The following TMCO4 variants were observed in gnomAD, a reference collection of about 807,000 sequenced individuals.
The protein encoded by TMCO4 is transmembrane and coiled-coil domains 4, also known as transmembrane and coiled-coil domain-containing protein 4.
In TMCO4, 58 loss-of-function variants were observed where a neutral mutation model predicts 64.7. The ratio of observed to expected loss-of-function variants is 0.90; its 90% confidence interval spans 0.73 to 1.12. The LOEUF is 1.12. Among genes scored for constraint, TMCO4 ranks in the 50% most tolerant of loss-of-function variants. The pLI, the probability that TMCO4 is intolerant of heterozygous loss-of-function variation, is 0.00. For synonymous variants in TMCO4, 325 were observed against 346.1 expected (o/e 0.94, Z 0.68); for missense variants, 780 against 825.9 (o/e 0.94, Z 0.68).
At chr1:19,700,451 C>T (rs1326313055) in intron 14 of TMCO4, among the ~76,000 whole-genome samples, 1 of 152,190 alleles carries the variant, frequency 6.6e-6, no homozygotes, top group Non-Finnish European at 1.5e-5. Context: ...CTGTGTTCCA[C>T]TCGCCCATGT....
intron 6 of TMCO4, among the ~76,000 whole-genome samples, chr1:19,763,901 C>A (rs905138524): frequency 6.6e-6 from 1 of 152,204 alleles, no homozygotes; most frequent in Non-Finnish European, 1.5e-5. Flanking sequence ...GCTGCAGAGC[C>A]CTCACAGGGC....
intron 4 of TMCO4, among the ~76,000 whole-genome samples, chr1:19,778,890 T>C (rs56371938): frequency 0.11 from 17,189 of 151,976 alleles, 1,433 homozygotes; most frequent in African/African-American, 0.24. Context: ...ACTGGAGGGG[T>C]AGCAGGTATG....
In TMCO4 at chr1:19,694,560, G is replaced by C; in HGVS notation, c.1383-9C>G. 6.2e-7 allele frequency: 1 copy of C among 1,612,894 alleles called. No homozygotes were observed. The stretch of plus-strand genomic sequence containing the variant: ...TCAGCAGCCAGTCTCCCCTGTGGGA[G>C]GGTAGAGAAGCATGTGAACATTAGC... On this transcript the variant is annotated splice_polypyrimidine_tract_variant and intron_variant, in intron 14 of 15. Transcript: ENST00000294543.
intron 6 of TMCO4, among the ~76,000 whole-genome samples, chr1:19,766,261 G>C (rs1369744914): frequency 6.6e-6 from 1 of 152,188 alleles, no homozygotes; most frequent in Non-Finnish European, 1.5e-5. Context: ...CAAGGGCACT[G>C]CCCTCATGGA....
rs193188122 is a variant in TMCO4, at chr1:19,791,797, G to C, written c.-100-4680C>G. On this transcript the variant is annotated intron_variant, in intron 2 of 15. Transcript: ENST00000294543. ...ACGGAAGGAGGAGCTCCCAGCTCCC[G>C]GTAGCCTCCTGAGGTTCTTGTCCCG... Among the ~76,000 whole-genome samples, 4 of 152,294 alleles carry C rather than the reference G, an allele frequency of 2.6e-5. No homozygotes were observed. The South Asian group carries it at 6.2e-4, about 24-fold the overall frequency.
chr1:19,739,351 T>C (rs1304233550), intron 12 of TMCO4, among the ~76,000 whole-genome samples: 1 of 152,240 alleles, frequency 6.6e-6, no homozygotes, highest in Non-Finnish European at 1.5e-5. Context: ...AGTAGCTTTA[T>C]ACTTCTGGGA....
rs907358821 is a variant in TMCO4 at position 19,788,596 on chromosome 1, G to T, written c.-100-1479C>A. 4.6e-5 allele frequency among the ~76,000 whole-genome samples: 7 copies of T among 152,302 alleles called. 1 individual carries two copies. The South Asian group carries it at 1.0e-3, about 23-fold the overall frequency. ...TAAAATTACAACATGCTGCACTGGT[G>T]ACAATCCGTTTTGTGCTTCTCCTTC... On this transcript the variant is annotated intron_variant, in intron 2 of 15. Coordinates refer to ENST00000294543, the MANE Select transcript of TMCO4 (RefSeq NM_181719.7).
rs6675529 is a variant in TMCO4 at position 19,746,513 on chromosome 1, C to T, written c.700G>A (p.Ala234Thr). 1.9e-6 allele frequency: 3 copies of T among 1,612,376 alleles called. No homozygotes were observed. In the South Asian group the frequency reaches 3.3e-5, roughly 18 times the overall value. The part of the protein sequence containing the change: ...GSAGAAALGS[A>T]AGIAIMTSLF... ...GAGGTCATGATGGCTATGCCGGCTG[C>T]TGAGCCCAGAGCCGCTGCCCCGGCG... is the stretch of plus-strand genomic sequence containing the variant. The change falls in exon 9 of 16, where the codon GCA becomes ACA. Residue 234 changes from alanine (A) to threonine (T), a missense_variant. Physicochemically the swap from Ala to Thr is moderately conservative, Grantham distance 58. Coordinates refer to ENST00000294543, the MANE Select transcript of TMCO4 (RefSeq NM_181719.7).
At chr1:19,782,767 C>T (rs1337144573) in intron 3 of TMCO4, among the ~76,000 whole-genome samples, 3 of 152,148 alleles carry the variant, frequency 2.0e-5, no homozygotes, top group African/African-American at 7.2e-5. Flanking sequence ...GGGAAGGGTG[C>T]CAGCCTCTAC....
At chr1:19,791,823 G>A (rs2044054684) in intron 2 of TMCO4, among the ~76,000 whole-genome samples, 1 of 152,116 alleles carries the variant, frequency 6.6e-6, no homozygotes, top group African/African-American at 2.4e-5. Flanking sequence ...TCTTGTCCCG[G>A]GTACTGTGAA....
At position 19,732,821 on chromosome 1, in the gene TMCO4, C is replaced by T. The variant is rs760227073; in HGVS notation, c.1264+4551G>A. 3.9e-5 allele frequency among the ~76,000 whole-genome samples: 6 copies of T among 152,142 alleles called. No homozygotes were observed. The highest frequency in any genetic ancestry group is 9.7e-5 in the African/African-American group (4 of 41,440). The stretch of plus-strand genomic sequence containing the variant: ...AAATGCCAGCTGCACTTTTGTCCAC[C>T]GGGTTCATCTTGGAGTCAGATTCCT... On this transcript the variant is annotated intron_variant, in intron 13 of 15. Transcript: ENST00000294543. The surrounding 1 kb of genome is among the most constrained non-coding windows in gnomAD (Gnocchi z 4.8).
chr1:19,780,499 G>C (rs760815874), intron 4 of TMCO4, 81 bp downstream of exon 4: 11 of 1,486,674 alleles, frequency 7.4e-6, no homozygotes, highest in Non-Finnish European at 9.0e-6. Flanking sequence ...TTGCCTCATC[G>C]TGCCTGGCAG....
intron 4 of TMCO4, among the ~76,000 whole-genome samples, chr1:19,776,152 C>T (rs1000075237): frequency 6.6e-6 from 1 of 152,222 alleles, no homozygotes; most frequent in South Asian, 2.1e-4. Flanking sequence ...AAGTGATCTG[C>T]CCGCCTCAGC....
intron 13 of TMCO4, among the ~76,000 whole-genome samples, chr1:19,707,498 C>T (rs1034684555): frequency 1.3e-5 from 2 of 152,234 alleles, no homozygotes; most frequent in Non-Finnish European, 2.9e-5. Context: ...TGGCACATGC[C>T]TGTAATCCCA....
chr1:19,711,072 A>C (rs1339067431), intron 13 of TMCO4, among the ~76,000 whole-genome samples: 1 of 152,234 alleles, frequency 6.6e-6, no homozygotes, highest in Non-Finnish European at 1.5e-5. Context: ...TTGAGTTAAC[A>C]ATAGAACTTT....
intron 6 of TMCO4, among the ~76,000 whole-genome samples, chr1:19,758,832 T>G (rs752954864): frequency 2.6e-5 from 4 of 152,110 alleles, no homozygotes; most frequent in Non-Finnish European, 5.9e-5. Context: ...TGGTGGCTCA[T>G]GCCTGTGCCT....
intron 13 of TMCO4, among the ~76,000 whole-genome samples, chr1:19,704,857 G>A (rs1034607772): frequency 3.3e-5 from 5 of 152,150 alleles, no homozygotes; most frequent in African/African-American, 1.2e-4. Flanking sequence ...AAATAGTCCT[G>A]AGCACAGCCA....
At chr1:19,780,153 G>A (rs549264547) in intron 4 of TMCO4, among the ~76,000 whole-genome samples, 22 of 152,262 alleles carry the variant, frequency 1.4e-4, no homozygotes, top group African/African-American at 4.8e-4. Flanking sequence ...GATCCCTCGC[G>A]TGCGCAGTTC....
chr1:19,762,537 T>C (rs145080097), intron 6 of TMCO4, among the ~76,000 whole-genome samples: 133 of 152,350 alleles, frequency 8.7e-4, no homozygotes, highest in African/African-American at 2.9e-3. Flanking sequence ...TGTGTGTTCA[T>C]GATGGGACTC....
Sources: gnomAD v4.1 joint callset for allele counts (sites outside exome capture counted in the v4.1 genomes callset) on GRCh38, gnomAD v4.1.1 for gene constraint, Gnocchi (gnomAD v3.1) non-coding constraint, MANE v1.5 for transcripts, NCBI Gene and HGNC (gene_info 2026-07-23, HGNC 2026-07-21) for gene names.